USP47: variants seen among roughly 807,000 people sequenced by gnomAD.
The protein encoded by USP47 is ubiquitin specific peptidase 47.
USP47 carries 35 observed loss-of-function variants against 165.1 expected under a neutral mutation model. The observed-to-expected ratio is 0.21, with a 90% CI of 0.16 to 0.28. USP47 has a LOEUF of 0.28. USP47 is among the 10% of genes least tolerant of loss of function. The pLI, the probability that USP47 is intolerant of heterozygous loss-of-function variation, is 1.00. For missense variants in USP47, 1,277 were observed against 1,607.4 expected (o/e 0.79, Z 3.52); for synonymous variants, 531 against 544.5 (o/e 0.98, Z 0.35).
At chr11:11,955,245 A>T in intron 27 of USP47, 81 bp downstream of exon 27, 1 of 1,521,280 alleles carries the variant, frequency 6.6e-7, no homozygotes, top group Non-Finnish European at 8.8e-7. Flanking sequence ...AAATATCTTT[A>T]CTGTTTTTAT....
intron 5 of USP47, among the ~76,000 whole-genome samples, chr11:11,898,505 C>T (rs77029931): frequency 6.6e-6 from 1 of 152,022 alleles, no homozygotes; most frequent in African/African-American, 2.4e-5. Flanking sequence ...AGCTTGTTAT[C>T]TGAACTTACA....
In USP47 at chr11:11,905,463, G is replaced by A; in HGVS notation, c.884G>A (p.Gly295Asp). The change falls in exon 8 of 28, where the codon GGT becomes GAT. Residue 295 changes from glycine (G) to aspartate (D), a missense_variant. By Grantham distance (94) the Gly-to-Asp change is moderately conservative. Around this residue, in one of 4 missense-constraint regions of USP47, gnomAD observed 175 missense variants for 295.8 expected, o/e 0.59. Coordinates refer to ENST00000527733, the MANE Select transcript of USP47 (RefSeq NM_001282659.2). Reference sequence around the variant, plus strand: ...GACTACGTGAGATGTCTGGAATGTGGTTATGAGGGCTGGCGAATCGACACA... The same window carrying A: ...GACTACGTGAGATGTCTGGAATGTGATTATGAGGGCTGGCGAATCGACACA... ...LKDYVRCLEC[G>D]YEGWRIDTYL... The A allele has an allele frequency of 6.2e-7, 1 of 1,610,496 alleles. No individual in the cohort carries two copies. The highest frequency in any genetic ancestry group is 1.3e-5 in the African/African-American group (1 of 74,920).
intron 15 of USP47, 25 bp from the exon 16 acceptor site, chr11:11,933,806 G>A: frequency 6.6e-7 from 1 of 1,508,678 alleles, no homozygotes; most frequent in Non-Finnish European, 9.1e-7. Context: ...CTGCAGAGTT[G>A]ATGATGATAT....
At chr11:11,876,697 G>C (rs751973585) in intron 1 of USP47, among the ~76,000 whole-genome samples, 1 of 152,206 alleles carries the variant, frequency 6.6e-6, no homozygotes, top group Non-Finnish European at 1.5e-5. Flanking sequence ...TCCTCTGAAT[G>C]TGGATTTCTA....
chr11:11,920,141 T>C lies in USP47; in HGVS notation c.970-15T>C, dbSNP rs756671343. The C allele has an allele frequency of 1.4e-5, 21 of 1,547,352 alleles. No individual in the cohort carries two copies. The highest frequency in any genetic ancestry group is 1.6e-5 in the Non-Finnish European group (19 of 1,151,726). On this transcript the variant is annotated splice_polypyrimidine_tract_variant and intron_variant, in intron 8 of 27. Transcript: ENST00000527733. The stretch of plus-strand genomic sequence containing the variant: ...ATATTTTAAGTAATTATAAAACAAA[T>C]TTTTTTCTAACTAGGAAGAAGCATT...
intron 5 of USP47, among the ~76,000 whole-genome samples, chr11:11,900,091 A>G (rs908930655): frequency 2.0e-5 from 3 of 152,154 alleles, no homozygotes; most frequent in African/African-American, 7.2e-5. Context: ...CCTAGCATAA[A>G]AGGATAAAGT....
intron 8 of USP47, among the ~76,000 whole-genome samples, chr11:11,915,254 T>C (rs1853329155): frequency 6.6e-6 from 1 of 152,200 alleles, no homozygotes; most frequent in African/African-American, 2.4e-5. Context: ...TACTTTATGA[T>C]TCCATTTATG....
chr11:11,932,343 A>G (rs1854731387), intron 14 of USP47, among the ~76,000 whole-genome samples: 1 of 152,170 alleles, frequency 6.6e-6, no homozygotes, highest in African/African-American at 2.4e-5. Context: ...GGGCGAGGAC[A>G]GATGTCCAAA....
intron 24 of USP47, chr11:11,951,939 A>G (rs143073399): frequency 6.6e-6 from 1 of 152,340 alleles, no homozygotes; most frequent in Admixed American, 6.5e-5. Context: ...ATGTATTAGC[A>G]GAGATGGATT....
chr11:11,892,740 C>G (rs1851613066), intron 4 of USP47, among the ~76,000 whole-genome samples: 1 of 148,476 alleles, frequency 6.7e-6, no homozygotes, highest in Admixed American at 6.8e-5. Flanking sequence ...TGCTTGAGCC[C>G]AGGAGGTCTA....
intron 1 of USP47, among the ~76,000 whole-genome samples, chr11:11,858,406 G>C (rs1001481565): frequency 1.3e-5 from 2 of 152,056 alleles, no homozygotes; most frequent in Non-Finnish European, 2.9e-5. Context: ...TTTATATATA[G>C]AAAAATTCAT....
At chr11:11,858,976 T>C (rs958238254) in intron 1 of USP47, among the ~76,000 whole-genome samples, 5 of 152,192 alleles carry the variant, frequency 3.3e-5, no homozygotes, top group Non-Finnish European at 7.3e-5. Context: ...TAGACAGCAA[T>C]GTATGAGAAT....
In USP47 at chr11:11,923,041, C is replaced by CATACATATAT. The variant is rs1176012772; in HGVS notation, c.1386+153_1386+154insCATATATATA. ...ACTTCTCAAATATAGTTTTTTTGTA[C>CATACATATAT]ATATATATATATATATATATATATA... On this transcript the variant is annotated intron_variant, in intron 11 of 27. Transcript: ENST00000527733. 8.6e-5 allele frequency: 12 copies of CATACATATAT among 139,822 alleles called. No individual in the cohort carries two copies. The East Asian group carries it at 1.8e-3, about 21-fold the overall frequency. 8.7% of individuals were successfully genotyped at this position (139,822 alleles called of 1,614,324 possible).
intron 1 of USP47, among the ~76,000 whole-genome samples, chr11:11,848,641 ACT>A (rs1848558722): frequency 7.7e-6 from 1 of 129,578 alleles, no homozygotes; most frequent in African/African-American, 3.0e-5. Flanking sequence ...ACGGAGTCTC[ACT>A]CTGTCACCCA....
chr11:11,888,167 A>G (rs1390424734), intron 3 of USP47, among the ~76,000 whole-genome samples: 1 of 152,196 alleles, frequency 6.6e-6, no homozygotes, highest in African/African-American at 2.4e-5. Flanking sequence ...GAGAACCAAG[A>G]GCAAACAAAC....
intron 23 of USP47, 25 bp from the exon 24 acceptor site, chr11:11,950,339 T>A (rs1243272063): frequency 6.8e-7 from 1 of 1,475,720 alleles, no homozygotes; most frequent in Non-Finnish European, 9.2e-7. Context: ...TTATAGTCGT[T>A]TTAAATGTCT....
chr11:11,880,187 C>T lies in USP47; in HGVS notation c.50C>T (p.Ala17Val). ...NQLVPKEIEN[A>V]AEEPRVLCII... ...TTCTTAAAATTTCAGATAGAAAATGCTGCTGAAGAACCTAGAGTCTTATGT... is the reference window on the plus strand; with the variant it reads ...TTCTTAAAATTTCAGATAGAAAATGTTGCTGAAGAACCTAGAGTCTTATGT... The change falls in exon 2 of 28, where the codon GCT (alanine) becomes GTT (valine). Residue 17 changes from alanine (A) to valine (V), a missense_variant. Ala to Val is a moderately conservative substitution (Grantham distance 64, BLOSUM62 0). This residue lies in a region of USP47 where 181 missense variants were observed against 194.7 expected (regional missense o/e 0.93). Transcript: ENST00000527733. 1 of 1,472,482 alleles carries T rather than the reference C, an allele frequency of 6.8e-7. No homozygotes were observed. The highest frequency in any genetic ancestry group is 8.9e-7 in the Non-Finnish European group (1 of 1,122,288). The allele number at this position is 1,472,482 out of a possible 1,614,324, so 91.2% of individuals were successfully genotyped here.
chr11:11,900,336 AT>A (rs1177551998), intron 5 of USP47, among the ~76,000 whole-genome samples: 1 of 151,216 alleles, frequency 6.6e-6, no homozygotes, highest in African/African-American at 2.4e-5. Flanking sequence ...AATTTTTTGT[AT>A]TTTTAGTAGA....
chr11:11,899,513 A>G (rs1852062690), intron 5 of USP47, among the ~76,000 whole-genome samples: 1 of 152,144 alleles, frequency 6.6e-6, no homozygotes, highest in Middle Eastern at 3.2e-3. Context: ...CATGTATGCC[A>G]GGTAGAAAAT....
Sources: allele counts gnomAD v4.1 joint callset (sites outside exome capture counted in the v4.1 genomes callset), GRCh38; gene constraint gnomAD v4.1.1; regional missense constraint gnomAD v4.1.1; transcripts MANE v1.5; gene names NCBI Gene and HGNC (gene_info 2026-07-23, HGNC 2026-07-21).